Variants in LYST observed in about 807,000 individuals in gnomAD.
LYST encodes the protein lysosomal-trafficking regulator.
LYST carries 192 observed loss-of-function variants against 413.6 expected under a neutral mutation model. That is an observed-to-expected ratio of 0.46 (90% CI 0.41 to 0.52). The LOEUF is 0.52. Ranked by LOEUF, LYST falls within the 20% of genes least tolerant of loss-of-function variation. LYST has a pLI of 0.00. For synonymous variants in LYST, 1,525 were observed against 1,567.3 expected, an observed-to-expected ratio of 0.97 and a Z score of 0.64; for missense variants, 3,815 against 4,499.9, an observed-to-expected ratio of 0.85 and a Z score of 4.35.
chr1:235,816,317 T>C (rs1248458370), intron 3 of LYST, among the ~76,000 whole-genome samples: 2 of 149,390 alleles, frequency 1.3e-5, no homozygotes, highest in Admixed American at 6.7e-5. Flanking sequence ...GCCATGTGCC[T>C]GTAGTCCCAG....
rs71174462 is a variant in LYST at position 235,798,578 on chromosome 1, TAAAAAA to T, written c.4006+1736_4006+1741del. 1.2e-3 allele frequency among the ~76,000 whole-genome samples: 101 copies of T among 81,706 alleles called. 5 individuals are homozygous for T. Among genetic ancestry groups the T allele is most frequent in the African/African-American group, 4.3e-3 (95 of 22,088 alleles). The allele number at this position is 81,706 out of a possible 152,430, so 53.6% of individuals were successfully genotyped here. ...TGGCGACAAGGGCAAAACCCTGTCA[TAAAAAA>T]AAAAAAAAAAAAAAAAAAAAAAAAA... On this transcript the variant is annotated intron_variant, in intron 10 of 52. Coordinates refer to ENST00000389793, the MANE Select transcript of LYST (RefSeq NM_000081.4).
Position 235,793,452 on chromosome 1 carries a change from G to A in LYST, c.4116+51C>T, listed in dbSNP as rs772082423. 7.1e-6 allele frequency: 6 copies of A among 847,274 alleles called. No homozygotes were observed. In the South Asian group the frequency reaches 9.3e-5, roughly 13 times the overall value. The allele number at this position is 847,274 out of a possible 1,614,324, so 52.5% of individuals were successfully genotyped here. A position where few individuals can be genotyped will look rare whatever the true frequency, so the allele number is the denominator to read the frequency against. On this transcript the variant is annotated intron_variant, in intron 11 of 52. Transcript: ENST00000389793. ...TTAAAAATACATTCTATTAAAAATTGTAAGTGAAAGAATTTATCAGTGAAA... is the reference window on the plus strand; with the variant it reads ...TTAAAAATACATTCTATTAAAAATTATAAGTGAAAGAATTTATCAGTGAAA...
chr1:235,721,461 C>G (rs954989362), intron 39 of LYST, among the ~76,000 whole-genome samples: 8 of 151,928 alleles, frequency 5.3e-5, no homozygotes, highest in Admixed American at 2.0e-4. Flanking sequence ...AGTTTTGTCA[C>G]AGAAAAGGGG....
chr1:235,746,577 C>G (rs1354809432), intron 28 of LYST, 50 bp from the exon 29 acceptor site: 1 of 1,407,844 alleles, frequency 7.1e-7, no homozygotes, highest in Non-Finnish European at 9.9e-7. Context: ...TAATAAGGAT[C>G]AAGGAAACTA....
chr1:235,752,244 C>T (rs1666572448), intron 26 of LYST, 73 bp from the exon 27 acceptor site: 1 of 1,146,140 alleles, frequency 8.7e-7, no homozygotes. Context: ...ACACAGCTAA[C>T]TGATTTAAAT....
intron 1 of LYST, among the ~76,000 whole-genome samples, chr1:235,834,459 G>T (rs1378128965): frequency 6.6e-6 from 1 of 152,048 alleles, no homozygotes; most frequent in African/African-American, 2.4e-5. Context: ...GCTAGTCTTG[G>T]ACTCCTGAGC....
chr1:235,724,224 A>G, intron 38 of LYST, 44 bp from the exon 39 acceptor site: 6 of 1,488,130 alleles, frequency 4.0e-6, no homozygotes, highest in Non-Finnish European at 5.6e-6. Context: ...TACCGGAAAT[A>G]TAAATAATTA....
At chr1:235,688,657 C>G (rs74148748) in intron 47 of LYST, among the ~76,000 whole-genome samples, 7,899 of 152,140 alleles carry the variant, frequency 0.052, 702 homozygotes, top group African/African-American at 0.18. Context: ...TGAAATTGAT[C>G]ATATAAGTGA....
chr1:235,663,766 G>A (rs189353857), intron 52 of LYST, among the ~76,000 whole-genome samples: 1 of 152,128 alleles, frequency 6.6e-6, no homozygotes, highest in African/African-American at 2.4e-5. Flanking sequence ...CTTTCCACTA[G>A]ACTCTGAGTC....
chr1:235,751,954 G>C, intron 27 of LYST, 51 bp downstream of exon 27: 4 of 1,252,930 alleles, frequency 3.2e-6, no homozygotes, highest in Non-Finnish European at 4.6e-6. Flanking sequence ...CAAATAACAG[G>C]TTTGTCTGTT....
chr1:235,725,424 A>G (rs1433771368), intron 38 of LYST, among the ~76,000 whole-genome samples: 4 of 152,084 alleles, frequency 2.6e-5, no homozygotes, highest in African/African-American at 9.7e-5. Flanking sequence ...ACAGAGTGAG[A>G]CTCTGTCTTA....
intron 50 of LYST, among the ~76,000 whole-genome samples, chr1:235,673,970 C>G (rs1168477636): frequency 1.3e-5 from 2 of 152,166 alleles, no homozygotes; most frequent in African/African-American, 4.8e-5. Context: ...AAATCGTCCC[C>G]TTTCCACTTG....
Position 235,810,026 on chromosome 1 carries a change from T to C in LYST, c.792A>G (p.Leu264=), listed in dbSNP as rs1673292975. 16 of 1,614,012 alleles carry C rather than the reference T, an allele frequency of 9.9e-6. No homozygotes were observed. The highest frequency in any genetic ancestry group is 1.4e-5 in the Non-Finnish European group (16 of 1,179,962). The change falls in exon 5 of 53, where the codon TTA becomes TTG. Residue 264 remains leucine, a synonymous_variant. Transcript: ENST00000389793. ...CGTCAAACTTACAAACTTTTTCTAATAAAGATAACAAAACATGACATAAGT... is the reference window on the plus strand; with the variant it reads ...CGTCAAACTTACAAACTTTTTCTAACAAAGATAACAAAACATGACATAAGT... ...PFDLCHVLLS[L]LEKVCKFDVT... is the part of the protein sequence containing the mutation.
intron 1 of LYST, among the ~76,000 whole-genome samples, chr1:235,845,814 C>G (rs1319113989): frequency 6.6e-6 from 1 of 152,032 alleles, no homozygotes; most frequent in African/African-American, 2.4e-5. Flanking sequence ...CCCCCAATTC[C>G]CCACAGCAGC....
intron 14 of LYST, among the ~76,000 whole-genome samples, chr1:235,785,779 A>G: frequency 6.6e-6 from 1 of 152,194 alleles, no homozygotes; most frequent in East Asian, 1.9e-4. Flanking sequence ...CGAATTCTCT[A>G]TCTTCTTTCA....
Position 235,837,861 on chromosome 1 carries a change from G to A in LYST, c.-97-4194C>T, listed in dbSNP as rs538314348. Among the ~76,000 whole-genome samples the A allele has an allele frequency of 5.9e-5, 9 of 151,560 alleles. No individual in the cohort carries two copies. The South Asian group carries it at 1.9e-3, about 32-fold the overall frequency. On this transcript the variant is annotated intron_variant, in intron 1 of 52. Coordinates refer to ENST00000389793, the MANE Select transcript of LYST (RefSeq NM_000081.4). The stretch of plus-strand genomic sequence containing the variant: ...GGCTTGAGGAGGACATGAGATAAGT[G>A]AGGTTAAAAAAAAACCTGATTAATA...
intron 48 of LYST, among the ~76,000 whole-genome samples, chr1:235,683,765 G>A (rs1434012711): frequency 6.6e-6 from 1 of 152,178 alleles, no homozygotes; most frequent in African/African-American, 2.4e-5. Flanking sequence ...AGTGGGTCAG[G>A]AAAGCTGAAG....
chr1:235,675,476 G>A (rs749190857), intron 50 of LYST, among the ~76,000 whole-genome samples: 1 of 152,126 alleles, frequency 6.6e-6, no homozygotes, highest in South Asian at 2.1e-4. Flanking sequence ...TCGGTCGGAC[G>A]CAGGCAGCAC....
rs111365174 is a variant in LYST at position 235,693,111 on chromosome 1, C to T, written c.10701+239G>A. On this transcript the variant is annotated intron_variant, in intron 47 of 52. Coordinates refer to ENST00000389793, the MANE Select transcript of LYST (RefSeq NM_000081.4). The stretch of plus-strand genomic sequence containing the variant: ...CGGGCAGATAACAAGGTCAGGAGAT[C>T]GAGACCATCCTTGCTAACACGATGA... Among the ~76,000 whole-genome samples, 986 of 152,106 alleles carry T rather than the reference C, an allele frequency of 6.5e-3. 12 individuals are homozygous for T. The highest frequency in any genetic ancestry group is 0.011 in the African/African-American group (445 of 41,492).
Sources: allele counts gnomAD v4.1 joint callset (sites outside exome capture counted in the v4.1 genomes callset), GRCh38; gene constraint gnomAD v4.1.1; transcripts MANE v1.5; gene names NCBI Gene and HGNC (gene_info 2026-07-23, HGNC 2026-07-21).